The following IFIH1 variants were observed in gnomAD, a reference collection of about 807,000 sequenced individuals.
The protein encoded by IFIH1 is interferon induced with helicase C domain 1, also known as interferon-induced helicase C domain-containing protein 1.
IFIH1 carries 125 observed loss-of-function variants against 107.4 expected under a neutral mutation model. The ratio of observed to expected loss-of-function variants is 1.16; its 90% CI spans 1.01 to 1.35. The LOEUF is 1.35. Among genes scored for constraint, IFIH1 ranks in the 40% most tolerant of loss-of-function variants. The pLI is 0.00. For missense variants in IFIH1, 1,333 were observed against 1,213.7 expected (o/e 1.10, Z -1.46); for synonymous variants, 458 against 413.2 (o/e 1.11, Z -1.31).
chr2:162,300,399 C>T (rs929908568), intron 3 of IFIH1, among the ~76,000 whole-genome samples: 2 of 152,184 alleles, frequency 1.3e-5, no homozygotes, highest in African/African-American at 4.8e-5. Flanking sequence ...TAACTGCACA[C>T]TGGGGAGATT....
intron 4 of IFIH1, among the ~76,000 whole-genome samples, chr2:162,292,931 T>TA (rs11403491): frequency 0.13 from 19,155 of 151,780 alleles, 2,803 homozygotes; most frequent in African/African-American, 0.33. Flanking sequence ...ACTAACAAAT[T>TA]GGAAAACTGA....
intron 4 of IFIH1, among the ~76,000 whole-genome samples, chr2:162,292,144 C>T (rs1019771990): frequency 1.3e-5 from 2 of 151,784 alleles, no homozygotes; most frequent in Non-Finnish European, 2.9e-5. Flanking sequence ...AAAGCCCTTA[C>T]TTAGACAAAT....
chr2:162,275,723 A>G (rs1406463410), intron 11 of IFIH1, among the ~76,000 whole-genome samples: 1 of 152,186 alleles, frequency 6.6e-6, no homozygotes, highest in African/African-American at 2.4e-5. Flanking sequence ...GGTCAATGTG[A>G]TTTTAGCCCT....
In IFIH1 at chr2:162,318,245, C is replaced by T; in HGVS notation, c.63G>A (p.Arg21=). The part of the protein sequence containing the change: ...FRYLISCFRA[R]VKMYIQVEPV... ...GCTCCACCTGGATGTACATTTTCAC[C>T]CTGGCCCTGAAGCACGAGATGAGAT... The change falls in exon 1 of 16, where the codon AGG becomes AGA. Residue 21 remains arginine (R), a synonymous_variant. Coordinates refer to ENST00000649979, the MANE Select transcript of IFIH1 (RefSeq NM_022168.4). 6.2e-7 allele frequency: 1 copy of T among 1,614,148 alleles called. No individual in the cohort carries two copies. Among genetic ancestry groups the T allele is most frequent in the Non-Finnish European group, 8.5e-7 (1 of 1,180,024 alleles).
intron 3 of IFIH1, among the ~76,000 whole-genome samples, chr2:162,304,888 C>T (rs1448953592): frequency 4.6e-5 from 7 of 152,264 alleles, no homozygotes; most frequent in Admixed American, 2.6e-4. Flanking sequence ...TGAGATTTGA[C>T]ATTAAGTATC....
At chr2:162,302,475 T>C (rs1162889830) in intron 3 of IFIH1, among the ~76,000 whole-genome samples, 1 of 152,148 alleles carries the variant, frequency 6.6e-6, no homozygotes, top group Admixed American at 6.6e-5. Context: ...ATAATGGAAT[T>C]CAAAATAAAG....
chr2:162,314,407 CTTTCTTTCTTTT>C (rs1558877412), intron 1 of IFIH1, among the ~76,000 whole-genome samples: 1,664 of 63,692 alleles, frequency 0.026, 254 homozygotes, highest in African/African-American at 0.14. Context: ...TCCTTTCTTT[CTTTCTTTCTTTT>C]CTTTCTTTCT....
chr2:162,309,236 A>C (rs1247474606), intron 2 of IFIH1, among the ~76,000 whole-genome samples: 1 of 152,166 alleles, frequency 6.6e-6, no homozygotes, highest in African/African-American at 2.4e-5. Flanking sequence ...TCTGCAAGAC[A>C]GCCTGCTCTC....
rs1290559522 is a variant in IFIH1 at position 162,288,280 on chromosome 2, T to G, written c.950A>C (p.Gln317Pro). 6.2e-7 allele frequency: 1 copy of G among 1,612,904 alleles called. No individual in the cohort carries two copies. The highest frequency in any genetic ancestry group is 8.5e-7 in the Non-Finnish European group (1 of 1,179,278). The stretch of plus-strand genomic sequence containing the variant: ...GATATTCTTCCCTTCCAAGGCTGGC[T>G]GGGCAACTTCCATTTGGTAAGGCCT... ...QLRPYQMEVA[Q>P]PALEGKNIII... The change falls in exon 5 of 16, where the codon CAG becomes CCG. Residue 317 changes from glutamine to proline, a missense_variant. Physicochemically the swap from Gln to Pro is moderately conservative, Grantham distance 76. Transcript: ENST00000649979.
At position 162,297,537 on chromosome 2, in the gene IFIH1, C is replaced by T. The variant is rs535045743; in HGVS notation, c.770-3869G>A. Among the ~76,000 whole-genome samples, 263 of 152,036 alleles carry T rather than the reference C, an allele frequency of 1.7e-3. 1 individual carries two copies. The highest frequency in any genetic ancestry group is 5.4e-3 in the African/African-American group (226 of 41,480). On this transcript the variant is annotated intron_variant, in intron 3 of 15. Coordinates refer to ENST00000649979, the MANE Select transcript of IFIH1 (RefSeq NM_022168.4). ...TTTCTCACTTATTGTGAGAATGATT[C>T]GGTTAGACCAAGAAAATGAAACTCG...
At chr2:162,269,541 T>C (rs950477147) in intron 13 of IFIH1, among the ~76,000 whole-genome samples, 3 of 152,214 alleles carry the variant, frequency 2.0e-5, no homozygotes, top group Admixed American at 1.3e-4. Context: ...TTATGTAACA[T>C]ATGAAAGTTG....
chr2:162,292,419 T>C (rs1683010092), intron 4 of IFIH1, among the ~76,000 whole-genome samples: 3 of 151,784 alleles, frequency 2.0e-5, no homozygotes, highest in South Asian at 2.1e-4. Context: ...ATTTGGTGAA[T>C]TGGGTTTCCT....
chr2:162,307,003 G>C, intron 2 of IFIH1, 148 bp from the exon 3 acceptor site: 1 of 608,762 alleles, frequency 1.6e-6, no homozygotes, highest in Non-Finnish European at 2.8e-6. Context: ...GTTCTGAATA[G>C]AATGTAAATT....
chr2:162,271,159 T>C (rs1052136774), intron 13 of IFIH1, among the ~76,000 whole-genome samples: 1 of 152,188 alleles, frequency 6.6e-6, no homozygotes, highest in African/African-American at 2.4e-5. Flanking sequence ...TAAATTGAGA[T>C]GTAGCTAGAT....
intron 1 of IFIH1, among the ~76,000 whole-genome samples, chr2:162,312,488 C>T (rs1683399334): frequency 6.6e-6 from 1 of 152,146 alleles, no homozygotes; most frequent in Admixed American, 6.5e-5. Flanking sequence ...TGATCCCAGG[C>T]AGTTGAATTT....
chr2:162,294,484 A>G (rs1412258367), intron 3 of IFIH1, among the ~76,000 whole-genome samples: 1 of 151,970 alleles, frequency 6.6e-6, no homozygotes, highest in East Asian at 1.9e-4. Flanking sequence ...AAATAAAGCA[A>G]TGGTGGTTAC....
In IFIH1 at chr2:162,314,428, C is replaced by CT. The variant is rs541541173; in HGVS notation, c.453+3426dup. On this transcript the variant is annotated intron_variant, in intron 1 of 15. Transcript: ENST00000649979. ...CTTTCTTTCTTTCTTTTCTTTCTTTCTTTCTTTCTTTCTTTCTTTCTTTCT... is the reference window on the plus strand; with the variant it reads ...CTTTCTTTCTTTCTTTTCTTTCTTTCTTTTCTTTCTTTCTTTCTTTCTTTCT... 7.3e-4 allele frequency among the ~76,000 whole-genome samples: 56 copies of CT among 76,534 alleles called. 2 individuals are homozygous for CT. The highest frequency in any genetic ancestry group is 2.7e-3 in the African/African-American group (32 of 12,030). The allele number at this position is 76,534 out of a possible 152,430, so 50.2% of individuals were successfully genotyped here. A position where few individuals can be genotyped will look rare whatever the true frequency, so the allele number is the denominator to read the frequency against.
chr2:162,270,769 C>A (rs973582103), intron 13 of IFIH1, among the ~76,000 whole-genome samples: 7 of 152,158 alleles, frequency 4.6e-5, no homozygotes, highest in Non-Finnish European at 1.0e-4. Context: ...GAGGCAGTAA[C>A]TTTCCAGTGG....
chr2:162,307,310 A>C (rs538679628), intron 2 of IFIH1: 1 of 153,064 alleles, frequency 6.5e-6, no homozygotes, highest in Non-Finnish European at 1.5e-5. Context: ...TTATTCAGTG[A>C]CACAAAGTTA....
Sources: allele counts gnomAD v4.1 joint callset (sites outside exome capture counted in the v4.1 genomes callset), GRCh38; gene constraint gnomAD v4.1.1; transcripts MANE v1.5; gene names NCBI Gene and HGNC (gene_info 2026-07-23, HGNC 2026-07-21).